Variants in CENPP observed in about 807,000 individuals in gnomAD.
CENPP encodes centromere protein P.
A neutral mutation model predicts 35.6 loss-of-function variants in CENPP; 24 were observed. The ratio of observed to expected loss-of-function variants is 0.67; its 90% CI spans 0.49 to 0.95. CENPP has a LOEUF of 0.95. Among genes scored for constraint, CENPP ranks in the 40% least tolerant of loss-of-function variants. The pLI, the probability that CENPP is intolerant of heterozygous loss-of-function variation, is 0.00. For synonymous variants in CENPP, 120 were observed against 125.5 expected, an observed-to-expected ratio of 0.96 and a Z score of 0.29; for missense variants, 332 against 345.3, an observed-to-expected ratio of 0.96 and a Z score of 0.31.
At chr9:92,514,904 C>A (rs1170604357) in intron 5 of CENPP, 2 of 1,613,568 alleles carry the variant, frequency 1.2e-6, no homozygotes, top group Non-Finnish European at 8.5e-7. Context: ...TGCTGGTGTG[C>A]CAGCCTCCTC....
intron 5 of CENPP, chr9:92,417,327 A>G (rs1175443599): frequency 1.2e-6 from 2 of 1,613,978 alleles, no homozygotes; most frequent in Non-Finnish European, 8.5e-7. Flanking sequence ...CGATTATCAC[A>G]GTACATTGAT....
intron 5 of CENPP, chr9:92,384,858 T>C (rs1842361847): frequency 6.6e-6 from 1 of 152,352 alleles, no homozygotes; most frequent in Non-Finnish European, 1.5e-5. Context: ...TGGATGAACT[T>C]TTCATTATTT....
chr9:92,395,940 C>T (rs1178672125), intron 5 of CENPP, among the ~76,000 whole-genome samples: 1 of 150,532 alleles, frequency 6.6e-6, no homozygotes, highest in South Asian at 2.1e-4. Flanking sequence ...TAATGTTTGC[C>T]GACCACCAAG....
chr9:92,587,197 C>T (rs867548889), intron 5 of CENPP, among the ~76,000 whole-genome samples: 5 of 152,284 alleles, frequency 3.3e-5, no homozygotes, highest in East Asian at 1.9e-4. Flanking sequence ...CCCAGCCGGA[C>T]GGTGGCTCAC....
At chr9:92,387,274 A>C (rs895971995) in intron 5 of CENPP, among the ~76,000 whole-genome samples, 3 of 150,016 alleles carry the variant, frequency 2.0e-5, no homozygotes, top group African/African-American at 7.4e-5. Flanking sequence ...AGGGAGCCTG[A>C]GTGAGGCAGG....
intron 5 of CENPP, among the ~76,000 whole-genome samples, chr9:92,585,476 T>C (rs905016866): frequency 1.3e-5 from 2 of 152,232 alleles, no homozygotes; most frequent in Non-Finnish European, 2.9e-5. Flanking sequence ...TGAACGTTCA[T>C]GTGCAAGTCT....
chr9:92,435,984 A>C (rs1385560561), intron 5 of CENPP, among the ~76,000 whole-genome samples: 1 of 152,220 alleles, frequency 6.6e-6, no homozygotes, highest in Non-Finnish European at 1.5e-5. Flanking sequence ...AACCTGGCAA[A>C]CTATTTTCCA....
chr9:92,469,778 C>T (rs1359857424), intron 5 of CENPP, among the ~76,000 whole-genome samples: 3 of 152,168 alleles, frequency 2.0e-5, no homozygotes, highest in East Asian at 1.9e-4. Flanking sequence ...GAGGCGGTGG[C>T]GGGGGAAATG....
intron 5 of CENPP, chr9:92,403,248 C>T: frequency 6.4e-7 from 1 of 1,570,408 alleles, no homozygotes; most frequent in South Asian, 1.2e-5. Flanking sequence ...ATATTTTTTC[C>T]ATCCAGGTAT....
intron 5 of CENPP, among the ~76,000 whole-genome samples, chr9:92,560,308 T>C (rs1211129966): frequency 6.6e-6 from 1 of 152,134 alleles, no homozygotes. Flanking sequence ...CAGCAAAAGA[T>C]CATATATCAG....
At chr9:92,552,216 C>CACACACACA (rs1554686431) in intron 5 of CENPP, among the ~76,000 whole-genome samples, 3 of 146,652 alleles carry the variant, frequency 2.0e-5, no homozygotes, top group Non-Finnish European at 3.0e-5. Context: ...CACACACACA[C>CACACACACA]CCCACAGTTT....
rs541547230 is a variant in CENPP, at chr9:92,619,327, A to G, written c.*6178A>G. On this transcript the variant is annotated 3_prime_UTR_variant, in exon 8 of 8. Transcript: ENST00000375587. The stretch of plus-strand genomic sequence containing the variant: ...GAATTACAAGCTTCTAGAGGGCGAG[A>G]GTTAGTAAGCCCCATGATGTCACAT... 34 of 609,890 alleles carry G rather than the reference A, an allele frequency of 5.6e-5. No homozygotes were observed. Among genetic ancestry groups the G allele is most frequent in the African/African-American group, 3.8e-4 (21 of 54,804 alleles). 37.8% of individuals were successfully genotyped at this position (609,890 alleles called of 1,614,324 possible).
intron 5 of CENPP, among the ~76,000 whole-genome samples, chr9:92,596,888 G>A (rs1048010182): frequency 6.6e-6 from 1 of 151,942 alleles, no homozygotes; most frequent in Admixed American, 6.6e-5. Flanking sequence ...GGCTCTTCAA[G>A]GTTGAGACTT....
Position 92,620,433 on chromosome 9 carries a change from T to A in CENPP, c.*7284T>A, listed in dbSNP as rs1299175088. The A allele has an allele frequency of 1.3e-5, 2 of 152,186 alleles. No homozygotes were observed. The highest frequency in any genetic ancestry group is 4.8e-5 in the African/African-American group (2 of 41,434). 9.4% of individuals were successfully genotyped at this position (152,186 alleles called of 1,614,324 possible). ...CTCTACAGAGCAGAATGTGAGGCAC[T>A]CTCTCCTCTTCCTTCTTTGGACTTT... On this transcript the variant is annotated 3_prime_UTR_variant, in exon 8 of 8. Coordinates refer to ENST00000375587, the MANE Select transcript of CENPP (RefSeq NM_001012267.3).
chr9:92,459,708 C>G, intron 5 of CENPP: 1 of 1,613,052 alleles, frequency 6.2e-7, no homozygotes, highest in African/African-American at 1.3e-5. Context: ...TTCTCTCACA[C>G]GTGGTATGTT....
intron 5 of CENPP, among the ~76,000 whole-genome samples, chr9:92,601,368 C>G (rs1349346370): frequency 1.3e-5 from 2 of 152,160 alleles, no homozygotes; most frequent in African/African-American, 4.8e-5. Flanking sequence ...GTGAGGGACT[C>G]TCTTCTGCTA....
chr9:92,532,043 T>TTTTTTTTTTTA (rs1303915728), intron 5 of CENPP, among the ~76,000 whole-genome samples: 1 of 145,052 alleles, frequency 6.9e-6, no homozygotes, highest in African/African-American at 2.6e-5. Context: ...TATTTTTTTT[T>TTTTTTTTTTTA]TGAGATGAGG....
At chr9:92,369,104 A>G (rs1404354270) in intron 4 of CENPP, among the ~76,000 whole-genome samples, 1 of 152,242 alleles carries the variant, frequency 6.6e-6, no homozygotes, top group African/African-American at 2.4e-5. Flanking sequence ...AACTAATAAT[A>G]TAGTGAGGCT....
At position 92,492,050 on chromosome 9, in the gene CENPP, G is replaced by A. The variant is rs141518821; in HGVS notation, c.564+112191G>A. ...CAAGGTCCATTGATCTTTCTCCTCT[G>A]AACTACGTGTATGTGTTGTATGGTT... On this transcript the variant is annotated intron_variant, in intron 5 of 7. Transcript: ENST00000375587. Among the ~76,000 whole-genome samples, 13 of 152,186 alleles carry A rather than the reference G, an allele frequency of 8.5e-5. No homozygotes were observed. In the East Asian group the frequency reaches 2.1e-3, roughly 25 times the overall value.
Sources: allele counts gnomAD v4.1 joint callset (sites outside exome capture counted in the v4.1 genomes callset), GRCh38; gene constraint gnomAD v4.1.1; transcripts MANE v1.5; gene names NCBI Gene and HGNC (gene_info 2026-07-23, HGNC 2026-07-21).